Variants in SLC38A1 observed in about 807,000 individuals in gnomAD.
The protein encoded by SLC38A1 is solute carrier family 38 member 1.
In SLC38A1, 18 loss-of-function variants were observed where a neutral mutation model predicts 60.3. The observed-to-expected ratio is 0.30, with a 90% CI of 0.21 to 0.44. SLC38A1 has a LOEUF of 0.44. SLC38A1 is among the 20% of genes least tolerant of loss of function. The pLI is 1.00. For missense variants in SLC38A1, 448 were observed against 587.2 expected (o/e 0.76, Z 2.45); for synonymous variants, 196 against 212.1 (o/e 0.92, Z 0.66).
intron 16 of SLC38A1, among the ~76,000 whole-genome samples, chr12:46,191,911 A>G (rs1016818577): frequency 6.6e-6 from 1 of 152,188 alleles, no homozygotes; most frequent in Non-Finnish European, 1.5e-5. Context: ...TCCTAATTGA[A>G]TACCATTTTC....
chr12:46,253,413 C>G (rs1941923178), intron 1 of SLC38A1, among the ~76,000 whole-genome samples: 1 of 152,178 alleles, frequency 6.6e-6, no homozygotes, highest in Non-Finnish European at 1.5e-5. Context: ...ATATGCTAAA[C>G]AAAGTGGATT....
At chr12:46,193,819 A>G (rs999215888) in intron 16 of SLC38A1, among the ~76,000 whole-genome samples, 7 of 151,780 alleles carry the variant, frequency 4.6e-5, no homozygotes, top group African/African-American at 1.2e-4. Flanking sequence ...TTTTGAGCCT[A>G]TGTGCATCTT....
chr12:46,246,404 C>G (rs968387174), intron 1 of SLC38A1, among the ~76,000 whole-genome samples: 1 of 152,242 alleles, frequency 6.6e-6, no homozygotes. Flanking sequence ...TTGCTCGCTG[C>G]TAGTGCAGCA....
chr12:46,237,776 T>C (rs1167237536), intron 3 of SLC38A1, among the ~76,000 whole-genome samples: 1 of 151,856 alleles, frequency 6.6e-6, no homozygotes, highest in Non-Finnish European at 1.5e-5. Flanking sequence ...CCTTGAGGTT[T>C]GGATTGCTTT....
intron 1 of SLC38A1, among the ~76,000 whole-genome samples, chr12:46,246,949 T>G (rs992532376): frequency 6.6e-5 from 10 of 152,036 alleles, no homozygotes; most frequent in Admixed American, 2.0e-4. Context: ...ACCTGACTGT[T>G]AAAAGGAAAA....
intron 16 of SLC38A1, among the ~76,000 whole-genome samples, chr12:46,193,631 T>C (rs1017709561): frequency 6.6e-6 from 1 of 152,206 alleles, no homozygotes; most frequent in Non-Finnish European, 1.5e-5. Flanking sequence ...TGGGTGCATA[T>C]ATATTTAGAA....
Position 46,255,090 on chromosome 12 carries a change from T to G in SLC38A1, c.-208-11776A>C, listed in dbSNP as rs182694734. ...AGAGTTCTGAAAGTTTTTCTTCTAT[T>G]CTAATGTCACAATTTCCAAAGTTAT... is the stretch of plus-strand genomic sequence containing the variant. On this transcript the variant is annotated intron_variant, in intron 1 of 16. Coordinates refer to ENST00000398637, the MANE Select transcript of SLC38A1 (RefSeq NM_030674.4). Among the ~76,000 whole-genome samples the G allele has an allele frequency of 2.9e-4, 44 of 152,354 alleles. 1 individual carries two copies. Among genetic ancestry groups the G allele is most frequent in the African/African-American group, 1.0e-3 (42 of 41,584 alleles).
intron 1 of SLC38A1, among the ~76,000 whole-genome samples, chr12:46,245,434 A>G (rs1165561527): frequency 6.6e-6 from 1 of 152,220 alleles, no homozygotes; most frequent in East Asian, 1.9e-4. Context: ...AGCTCTTAGG[A>G]CAGCCATTAT....
chr12:46,198,583 A>G (rs1219494381), intron 14 of SLC38A1, 42 bp downstream of exon 14: 13 of 1,381,912 alleles, frequency 9.4e-6, no homozygotes, highest in Admixed American at 2.2e-5. Flanking sequence ...AGGAAAGCCG[A>G]GACCTCAGCT....
rs1198375299 is a variant in SLC38A1 at position 46,268,106 on chromosome 12, G to C, written c.-209+420C>G. Reference sequence around the variant, plus strand: ...GCGGACACAGGAAATTTTCACCAAAGGCCGGGGATTCAAACACTCCCAGAA... The same window carrying C: ...GCGGACACAGGAAATTTTCACCAAACGCCGGGGATTCAAACACTCCCAGAA... On this transcript the variant is annotated intron_variant, in intron 1 of 16. Coordinates refer to ENST00000398637, the MANE Select transcript of SLC38A1 (RefSeq NM_030674.4). The surrounding 1 kb of genome is among the most constrained non-coding windows in gnomAD (Gnocchi z 4.4). Among the ~76,000 whole-genome samples the C allele has an allele frequency of 6.6e-6, 1 of 152,148 alleles. No homozygotes were observed. The highest frequency in any genetic ancestry group is 1.5e-5 in the Non-Finnish European group (1 of 68,022).
intron 11 of SLC38A1, 54 bp from the exon 12 acceptor site, chr12:46,203,143 A>T (rs1054497851): frequency 7.4e-5 from 104 of 1,406,352 alleles, no homozygotes; most frequent in Non-Finnish European, 1.0e-4. Context: ...CATAAAAAGG[A>T]CATAGCTCCA....
intron 1 of SLC38A1, among the ~76,000 whole-genome samples, chr12:46,251,492 A>C (rs938680778): frequency 6.6e-6 from 1 of 152,208 alleles, no homozygotes; most frequent in African/African-American, 2.4e-5. Flanking sequence ...AAAATTGACA[A>C]ATGGGATCTA....
chr12:46,260,962 G>A (rs1942177800), intron 1 of SLC38A1, among the ~76,000 whole-genome samples: 1 of 152,078 alleles, frequency 6.6e-6, no homozygotes, highest in South Asian at 2.1e-4. Flanking sequence ...TCCCTCTACA[G>A]GATGAGGTCT....
Position 46,189,135 on chromosome 12 carries a change from GA to G in SLC38A1, c.1363-65del, listed in dbSNP as rs1365614653. 104 of 1,224,248 alleles carry G rather than the reference GA, an allele frequency of 8.5e-5. 1 individual carries two copies. The highest frequency in any genetic ancestry group is 1.4e-4 in the South Asian group (11 of 81,216). 75.8% of individuals were successfully genotyped at this position (1,224,248 alleles called of 1,614,324 possible). A position where few individuals can be genotyped will look rare whatever the true frequency, so the allele number is the denominator to read the frequency against. ...CAAAATTTTTCCACATGTACCTGGG[GA>G]AAAAAAATAGAACAGTTTTTCCTCT... On this transcript the variant is annotated intron_variant, in intron 16 of 16. Coordinates refer to ENST00000398637, the MANE Select transcript of SLC38A1 (RefSeq NM_030674.4).
At chr12:46,236,213 C>T (rs954543697) in intron 3 of SLC38A1, among the ~76,000 whole-genome samples, 1 of 152,118 alleles carries the variant, frequency 6.6e-6, no homozygotes, top group Non-Finnish European at 1.5e-5. Flanking sequence ...TTACTATTAA[C>T]CCATTTATGC....
rs145094220 is a variant in SLC38A1 at position 46,266,464 on chromosome 12, G to C, written c.-209+2062C>G. ...TAAGTACTTGCTGTTCCTTCTTCCT[G>C]TTCCTTCCGCTGGCCTTCTTCCCTC... is the stretch of plus-strand genomic sequence containing the variant. On this transcript the variant is annotated intron_variant, in intron 1 of 16. Transcript: ENST00000398637. Among the ~76,000 whole-genome samples, 24 of 151,934 alleles carry C rather than the reference G, an allele frequency of 1.6e-4. No individual in the cohort carries two copies. In the East Asian group the frequency reaches 4.6e-3, roughly 29 times the overall value.
In SLC38A1 at chr12:46,199,355, GTGTGTT is replaced by G. The variant is rs1468463423; in HGVS notation, c.1004-618_1004-613del. Among the ~76,000 whole-genome samples the G allele has an allele frequency of 6.7e-5, 8 of 119,034 alleles. No individual in the cohort carries two copies. In the East Asian group the frequency reaches 1.4e-3, roughly 22 times the overall value. The allele number at this position is 119,034 out of a possible 152,430, so 78.1% of individuals were successfully genotyped here. A position where few individuals can be genotyped will look rare whatever the true frequency, so the allele number is the denominator to read the frequency against. On this transcript the variant is annotated intron_variant, in intron 13 of 16. Coordinates refer to ENST00000398637, the MANE Select transcript of SLC38A1 (RefSeq NM_030674.4). ...TGTGTGTGTGTGTGTGTGTGTGTGT[GTGTGTT>G]GAGACAGGGTTTTGCTCTATCACCC...
rs548130690 is a variant in SLC38A1, at chr12:46,250,346, C to G, written c.-208-7032G>C. On this transcript the variant is annotated intron_variant, in intron 1 of 16. Coordinates refer to ENST00000398637, the MANE Select transcript of SLC38A1 (RefSeq NM_030674.4). ...ATTGATGGAACGTTTCTCAAAATAA[C>G]AAGAGCTATTTATGACAAACCCACA... Among the ~76,000 whole-genome samples, 9 of 152,208 alleles carry G rather than the reference C, an allele frequency of 5.9e-5. No individual in the cohort carries two copies. In the East Asian group the frequency reaches 1.7e-3, roughly 29 times the overall value.
intron 2 of SLC38A1, among the ~76,000 whole-genome samples, chr12:46,242,075 G>A (rs562710901): frequency 9.9e-5 from 15 of 152,242 alleles, no homozygotes; most frequent in Middle Eastern, 3.4e-3. Flanking sequence ...TCACACACGC[G>A]TGCACGTGTG....
Sources: gnomAD v4.1 joint callset for allele counts (sites outside exome capture counted in the v4.1 genomes callset) on GRCh38, gnomAD v4.1.1 for gene constraint, Gnocchi (gnomAD v3.1) non-coding constraint, MANE v1.5 for transcripts, NCBI Gene and HGNC (gene_info 2026-07-23, HGNC 2026-07-21) for gene names.